The following FAM216A variants were observed in gnomAD, a reference collection of about 807,000 sequenced individuals.
FAM216A encodes family with sequence similarity 216 member A, also known as protein FAM216A.
A neutral mutation model predicts 37.6 loss-of-function variants in FAM216A; 26 were observed. That is an observed-to-expected ratio of 0.69 (90% CI 0.51 to 0.96). The LOEUF is 0.96. Ranked by LOEUF, FAM216A falls within the 40% of genes least tolerant of loss-of-function variation. The pLI is 0.00. For missense variants in FAM216A, 326 were observed against 339.3 expected (o/e 0.96, Z 0.31); for synonymous variants, 110 against 121.7 (o/e 0.90, Z 0.64).
intron 2 of FAM216A, among the ~76,000 whole-genome samples, chr12:110,473,431 G>T (rs1337011523): frequency 6.6e-6 from 1 of 152,058 alleles, no homozygotes; most frequent in African/African-American, 2.4e-5. Flanking sequence ...AGGCTGGTCT[G>T]GAGCTCCTGA....
chr12:110,469,553 A>G (rs1291003122), intron 1 of FAM216A, among the ~76,000 whole-genome samples: 1 of 151,254 alleles, frequency 6.6e-6, no homozygotes, highest in Admixed American at 6.6e-5. Flanking sequence ...TCTGTTGCCT[A>G]GGCTGGAATG....
chr12:110,475,132 C>G (rs574670792), intron 2 of FAM216A, among the ~76,000 whole-genome samples: 1 of 152,236 alleles, frequency 6.6e-6, no homozygotes, highest in South Asian at 2.1e-4. Flanking sequence ...GGGAAAAGGG[C>G]CAGTATTCAG....
chr12:110,484,549 A>G (rs895479410), intron 2 of FAM216A, among the ~76,000 whole-genome samples: 9 of 151,282 alleles, frequency 5.9e-5, no homozygotes, highest in Admixed American at 2.6e-4. Context: ...TGTTTCTGAC[A>G]TGATGTTACT....
rs61942599 is a variant in FAM216A at position 110,489,928 on chromosome 12, C to G, written c.704-91C>G. The G allele has an allele frequency of 0.031, 20,039 of 656,690 alleles. 411 individuals carry two copies. Among genetic ancestry groups the G allele is most frequent in the Non-Finnish European group, 0.039 (14,686 of 372,952 alleles). The allele number at this position is 656,690 out of a possible 1,614,324, so 40.7% of individuals were successfully genotyped here. On this transcript the variant is annotated intron_variant, in intron 6 of 6. Coordinates refer to ENST00000377673, the MANE Select transcript of FAM216A (RefSeq NM_013300.3). ...AATTGCAGGCAATTTGTCTTTACTA[C>G]AGGCTTATTAATAAGCCAGGTCATT...
At chr12:110,484,426 CAAAAAAAAAAAAAAAA>C (rs61648841) in intron 2 of FAM216A, among the ~76,000 whole-genome samples, 900 of 51,380 alleles carry the variant, frequency 0.018, 11 homozygotes, top group Admixed American at 0.036. Flanking sequence ...GACTCCGTCT[CAAAAAAAAAAAAAAAA>C]AAAAAAAAAA....
intron 6 of FAM216A, 32 bp from the exon 7 acceptor site, chr12:110,489,987 C>T: frequency 9.6e-7 from 1 of 1,043,222 alleles, no homozygotes; most frequent in East Asian, 2.4e-5. Context: ...ATTTCCAAAA[C>T]AGACAATTGT....
intron 2 of FAM216A, among the ~76,000 whole-genome samples, chr12:110,477,936 T>C (rs1410756854): frequency 6.6e-6 from 1 of 152,016 alleles, no homozygotes; most frequent in Non-Finnish European, 1.5e-5. Context: ...CTCAATCTCC[T>C]GACCTTGTGA....
chr12:110,476,379 T>C (rs2135545281), intron 2 of FAM216A, among the ~76,000 whole-genome samples: 1 of 152,116 alleles, frequency 6.6e-6, no homozygotes, highest in East Asian at 1.9e-4. Context: ...GTTTGAATTT[T>C]TTTTCTTTTT....
intron 2 of FAM216A, among the ~76,000 whole-genome samples, chr12:110,482,226 T>A (rs1272588542): frequency 6.6e-6 from 1 of 151,788 alleles, no homozygotes; most frequent in African/African-American, 2.4e-5. Context: ...GGACTACAGG[T>A]GTACGCCACC....
chr12:110,476,262 C>T (rs192974306), intron 2 of FAM216A, among the ~76,000 whole-genome samples: 4 of 150,808 alleles, frequency 2.7e-5, no homozygotes, highest in South Asian at 2.1e-4. Flanking sequence ...TCCAGTGGCG[C>T]GATCTCGGCT....
chr12:110,481,184 G>A (rs933987008), intron 2 of FAM216A, among the ~76,000 whole-genome samples: 1 of 152,034 alleles, frequency 6.6e-6, no homozygotes, highest in African/African-American at 2.4e-5. Flanking sequence ...GGATACTTGG[G>A]TTTCTTCCAC....
chr12:110,474,559 G>C (rs889878279), intron 2 of FAM216A, among the ~76,000 whole-genome samples: 2 of 151,212 alleles, frequency 1.3e-5, no homozygotes, highest in African/African-American at 2.4e-5. Flanking sequence ...AGGTGTGGTG[G>C]TGCACGTCCG....
At chr12:110,472,606 A>G (rs777984088) in intron 1 of FAM216A, among the ~76,000 whole-genome samples, 10 of 152,090 alleles carry the variant, frequency 6.6e-5, no homozygotes, top group Non-Finnish European at 1.2e-4. Context: ...TTTAACCAGA[A>G]TTATAGGAAA....
At position 110,477,742 on chromosome 12, in the gene FAM216A, C is replaced by G. The variant is rs2062722770; in HGVS notation, c.184+4624C>G. Reference sequence around the variant, plus strand: ...TTTTTTTTTGAGACAGAGTCTCCCTCTGTCGCGCAGGCTGGAGTGCAGTGG... The same window carrying G: ...TTTTTTTTTGAGACAGAGTCTCCCTGTGTCGCGCAGGCTGGAGTGCAGTGG... On this transcript the variant is annotated intron_variant, in intron 2 of 6. Transcript: ENST00000377673. Among the ~76,000 whole-genome samples, 3 of 151,806 alleles carry G rather than the reference C, an allele frequency of 2.0e-5. No homozygotes were observed. In the South Asian group the frequency reaches 6.2e-4, roughly 32 times the overall value.
chr12:110,477,549 G>C (rs1465839139), intron 2 of FAM216A, among the ~76,000 whole-genome samples: 1 of 151,532 alleles, frequency 6.6e-6, no homozygotes, highest in Non-Finnish European at 1.5e-5. Context: ...GTAGAGACGG[G>C]GTCTCACTGT....
Position 110,490,152 on chromosome 12 carries a change from GT to G in FAM216A, c.*16del. 7.8e-7 allele frequency: 1 copy of G among 1,287,572 alleles called. No individual in the cohort carries two copies. Among genetic ancestry groups the G allele is most frequent in the East Asian group, 2.3e-5 (1 of 43,428 alleles). The allele number at this position is 1,287,572 out of a possible 1,614,324, so 79.8% of individuals were successfully genotyped here. The stretch of plus-strand genomic sequence containing the variant: ...TGTTAACTTGACAGTCTTGTCTCGT[GT>G]ATTGAATTCGTGCCAAAGGTGAGGG... On this transcript the variant is annotated 3_prime_UTR_variant, in exon 7 of 7. Coordinates refer to ENST00000377673, the MANE Select transcript of FAM216A (RefSeq NM_013300.3).
At chr12:110,472,302 A>C (rs565898801) in intron 1 of FAM216A, among the ~76,000 whole-genome samples, 1 of 152,188 alleles carries the variant, frequency 6.6e-6, no homozygotes. Context: ...AAATAAAGAC[A>C]GCAAGATAAT....
At chr12:110,482,655 C>A (rs943064490) in intron 2 of FAM216A, among the ~76,000 whole-genome samples, 1 of 151,278 alleles carries the variant, frequency 6.6e-6, no homozygotes, top group Non-Finnish European at 1.5e-5. Context: ...ATTAGCCGGG[C>A]GCAGTGGCGG....
rs557254088 is a variant in FAM216A, at chr12:110,485,585, C to T, written c.306+386C>T. On this transcript the variant is annotated intron_variant, in intron 3 of 6. Coordinates refer to ENST00000377673, the MANE Select transcript of FAM216A (RefSeq NM_013300.3). ...AGGTAAAGAAAATGGCAGTAATTAG[C>T]TTGCAAGTAGGATTTAAAAAAAGAA... 5.3e-5 allele frequency among the ~76,000 whole-genome samples: 8 copies of T among 151,980 alleles called. No homozygotes were observed. In the East Asian group the frequency reaches 9.7e-4, roughly 18 times the overall value.
Sources: gnomAD v4.1 joint callset for allele counts (sites outside exome capture counted in the v4.1 genomes callset) on GRCh38, gnomAD v4.1.1 for gene constraint, MANE v1.5 for transcripts, NCBI Gene and HGNC (gene_info 2026-07-23, HGNC 2026-07-21) for gene names.